The following RIF1 variants were observed in gnomAD, a reference collection of about 807,000 sequenced individuals.
RIF1 encodes telomere-associated protein RIF1.
In RIF1, 45 loss-of-function variants were observed where a neutral mutation model predicts 247.1. The ratio of observed to expected loss-of-function variants is 0.18; its 90% CI spans 0.14 to 0.23. The LOEUF is 0.23. Among genes scored for constraint, RIF1 ranks in the 10% least tolerant of loss-of-function variants. The pLI is 1.00. For synonymous variants in RIF1, 1,087 were observed against 978.8 expected (o/e 1.11, Z -2.06); for missense variants, 2,967 against 2,862.5 (o/e 1.04, Z -0.83).
rs757810983 is a variant in RIF1 at position 151,437,224 on chromosome 2, T to G, written c.1373-17T>G. The G allele has an allele frequency of 2.5e-6, 4 of 1,570,572 alleles. No homozygotes were observed. In the African/African-American group the frequency reaches 5.4e-5, roughly 21 times the overall value. Reference sequence around the variant, plus strand: ...ATCTGTTGTTTTACATAATTATCTTTTATTCTTCCCTTTCAGAGCCATTGG... The same window carrying G: ...ATCTGTTGTTTTACATAATTATCTTGTATTCTTCCCTTTCAGAGCCATTGG... On this transcript the variant is annotated splice_polypyrimidine_tract_variant and intron_variant, in intron 12 of 35. Coordinates refer to ENST00000444746, the MANE Select transcript of RIF1 (RefSeq NM_018151.5).
intron 9 of RIF1, among the ~76,000 whole-genome samples, chr2:151,488,588 G>T (rs2053252063): frequency 6.6e-6 from 1 of 152,050 alleles, no homozygotes; most frequent in Admixed American, 6.6e-5. Context: ...CGAGACTGCA[G>T]CGAGCTGTGA....
intron 18 of RIF1, 121 bp from the exon 19 acceptor site, chr2:151,445,217 T>C: frequency 3.0e-6 from 2 of 675,440 alleles, no homozygotes; most frequent in Non-Finnish European, 5.3e-6. Context: ...GAGTTAAACT[T>C]ATTTTGAATC....
In RIF1 at chr2:151,506,261, G is replaced by C. The variant is rs374499643; in HGVS notation, c.*913G>C. The C allele has an allele frequency of 6.7e-5, 108 of 1,606,048 alleles. No individual in the cohort carries two copies. The African/African-American group carries it at 1.4e-3, about 20-fold the overall frequency. On this transcript the variant is annotated 3_prime_UTR_variant and NMD_transcript_variant, in exon 13 of 14. Coordinates refer to the RIF1 transcript ENST00000454583. The stretch of plus-strand genomic sequence containing the variant: ...GAGACATCCTCTTTATATAAAACCT[G>C]GGCATTCAGAATCAGGACAGTGTTA...
chr2:151,485,604 A>T, downstream of RIF1: 1 of 626,518 alleles, frequency 1.6e-6, no homozygotes, highest in Non-Finnish European at 2.6e-6. Flanking sequence ...AACTTATTTT[A>T]AAACCCAAAG....
At chr2:151,502,642 C>CTAAA (rs2065615318) in intron 11 of RIF1, 2 of 624,242 alleles carry the variant, frequency 3.2e-6, no homozygotes, top group Non-Finnish European at 5.6e-6. Flanking sequence ...CACACCAGAA[C>CTAAA]TAAATACTAA....
Position 151,463,429 on chromosome 2 carries a change from G to A in RIF1, c.3909G>A (p.Lys1303=), listed in dbSNP as rs72860281. The A allele has an allele frequency of 1.8e-5, 29 of 1,614,004 alleles. No individual in the cohort carries two copies. Among genetic ancestry groups the A allele is most frequent in the Non-Finnish European group, 2.4e-5 (28 of 1,179,940 alleles). Residue 1303 remains lysine, a synonymous_variant, in exon 30 of 36, where the codon AAG becomes AAA. Transcript: ENST00000444746. ...KAEQTGNKRS[K]PLMRSEPEKN... is the part of the protein sequence containing the mutation. ...AACAAACAGGGAATAAAAGGTCTAAGCCCTTAATGAGATCTGAGCCGGAGA... is the reference window on the plus strand; with the variant it reads ...AACAAACAGGGAATAAAAGGTCTAAACCCTTAATGAGATCTGAGCCGGAGA...
intron 11 of RIF1, among the ~76,000 whole-genome samples, chr2:151,500,939 C>A (rs2064001046): frequency 6.6e-6 from 1 of 152,096 alleles, no homozygotes; most frequent in African/African-American, 2.4e-5. Context: ...GAGCAATTTT[C>A]TTTCTTGGTG....
intron 4 of RIF1, among the ~76,000 whole-genome samples, chr2:151,415,216 G>A (rs1287077656): frequency 6.6e-6 from 1 of 151,750 alleles, no homozygotes; most frequent in Non-Finnish European, 1.5e-5. Context: ...GCACCGTGGC[G>A]GGCGCCTGTA....
intron 9 of RIF1, among the ~76,000 whole-genome samples, chr2:151,489,228 C>T (rs2053985741): frequency 6.6e-6 from 1 of 152,094 alleles, no homozygotes; most frequent in Non-Finnish European, 1.5e-5. Context: ...TCATATCAAT[C>T]CTAAAGTATT....
At chr2:151,453,662 AT>A (rs1299235368) in intron 21 of RIF1, among the ~76,000 whole-genome samples, 1 of 151,582 alleles carries the variant, frequency 6.6e-6, no homozygotes, top group Non-Finnish European at 1.5e-5. Context: ...TTAAGATTAG[AT>A]TCAGGGTCCA....
the RIF1 span, chr2:151,520,043 A>C: frequency 2.5e-4 from 54 of 218,740 alleles, no homozygotes; most frequent in East Asian, 1.9e-3. Context: ...GCAAAACAAA[A>C]AAAAAAAAAA....
At chr2:151,459,540 A>G (rs1695800698) in intron 25 of RIF1, among the ~76,000 whole-genome samples, 1 of 152,222 alleles carries the variant, frequency 6.6e-6, no homozygotes, top group Non-Finnish European at 1.5e-5. Flanking sequence ...CCACTAGATA[A>G]CTAACAGACT....
chr2:151,466,702 C>A (rs1232229350), intron 30 of RIF1, among the ~76,000 whole-genome samples: 1 of 152,192 alleles, frequency 6.6e-6, no homozygotes, highest in Non-Finnish European at 1.5e-5. Flanking sequence ...GTGCCTTGCA[C>A]ATAGTTTGTT....
In RIF1 at chr2:151,462,871, T is replaced by C. The variant is rs1466816306; in HGVS notation, c.3364-13T>C. ...ATCTGTGTGTGTATATATATGTATA[T>C]ATTTCTGTGCAGGAGGAGCAAATGG... On this transcript the variant is annotated splice_polypyrimidine_tract_variant and intron_variant, in intron 29 of 35. Coordinates refer to ENST00000444746, the MANE Select transcript of RIF1 (RefSeq NM_018151.5). 3.9e-6 allele frequency: 6 copies of C among 1,546,326 alleles called. No homozygotes were observed. The highest frequency in any genetic ancestry group is 1.2e-5 in the South Asian group (1 of 83,016).
chr2:151,463,263 C>A lies in RIF1; in HGVS notation c.3743C>A (p.Thr1248Lys), dbSNP rs534409765. The A allele has an allele frequency of 7.4e-6, 12 of 1,613,122 alleles. No homozygotes were observed. The South Asian group carries it at 1.3e-4, about 18-fold the overall frequency. The change falls in exon 30 of 36, where the codon ACA (threonine) becomes AAA (lysine). Residue 1248 changes from threonine (T) to lysine (K), a missense_variant. Transcript: ENST00000444746. ...SPLNNISSTV[T>K]VKNNQETMIK... ...TTGAATAATATTTCATCAACTGTTA[C>A]AGTGAAAAATAACCAGGAAACCATG...
At chr2:151,429,808 C>T (rs968079657) in intron 9 of RIF1, among the ~76,000 whole-genome samples, 10 of 152,064 alleles carry the variant, frequency 6.6e-5, no homozygotes, top group African/African-American at 2.4e-4. Flanking sequence ...ATAATATATT[C>T]ACAAGAAAGA....
At chr2:151,427,180 T>C (rs1037961882) in intron 8 of RIF1, among the ~76,000 whole-genome samples, 1 of 152,126 alleles carries the variant, frequency 6.6e-6, no homozygotes, top group Admixed American at 6.6e-5. Context: ...GATGCATTAC[T>C]TGTCATTTTT....
rs534251600 is a variant in RIF1, at chr2:151,475,914, G to A, written c.*843G>A. 2.0e-5 allele frequency: 3 copies of A among 152,572 alleles called. No individual in the cohort carries two copies. In the South Asian group the frequency reaches 6.2e-4, roughly 32 times the overall value. The allele number at this position is 152,572 out of a possible 1,614,324, so 9.5% of individuals were successfully genotyped here. On this transcript the variant is annotated 3_prime_UTR_variant, in exon 36 of 36. Transcript: ENST00000444746. ...TAAATACTGAAATATCAGTATCGAC[G>A]GTGGAAGTGCTTCATGGGCTTGCTG...
At chr2:151,442,311 T>TGATC (rs1692454100) in intron 16 of RIF1, among the ~76,000 whole-genome samples, 1 of 150,630 alleles carries the variant, frequency 6.6e-6, no homozygotes, top group Non-Finnish European at 1.5e-5. Flanking sequence ...TAACCTCGGG[T>TGATC]GATCCCTCCG....
Sources: gnomAD v4.1 joint callset for allele counts (sites outside exome capture counted in the v4.1 genomes callset) on GRCh38, gnomAD v4.1.1 for gene constraint, MANE v1.5 for transcripts, NCBI Gene and HGNC (gene_info 2026-07-23, HGNC 2026-07-21) for gene names.